The following RAB7A variants were observed in gnomAD, a reference collection of about 807,000 sequenced individuals.
The protein encoded by RAB7A is RAB7A, member RAS oncogene family, also known as ras-related protein Rab-7a.
Under a neutral mutation model 24.5 loss-of-function variants are expected in RAB7A, and 2 were observed. The ratio of observed to expected loss-of-function variants is 0.08; its 90% CI spans 0.03 to 0.26. RAB7A has a LOEUF of 0.26. RAB7A is among the 10% of genes least tolerant of loss of function. The probability of loss-of-function intolerance (pLI) is 1.00; values close to 1 mark genes in which losing one functional copy is unlikely to be tolerated. For synonymous variants in RAB7A, 100 were observed against 95.9 expected, an observed-to-expected ratio of 1.04 and a Z score of -0.25; for missense variants, 118 against 255.7, an observed-to-expected ratio of 0.46 and a Z score of 3.67.
intron 3 of RAB7A, among the ~76,000 whole-genome samples, chr3:128,804,271 A>G (rs908737387): frequency 6.6e-6 from 1 of 152,226 alleles, no homozygotes; most frequent in East Asian, 1.9e-4. Context: ...CTGTGCATGC[A>G]CTAGAAAAAC....
rs151220636 is a variant in RAB7A, at chr3:128,739,238, G to A, written c.-9+12879G>A. ...AAAAGTCTTAAAGCGGGCCGGGAGT[G>A]GTGGCTCACGCCTGTAATCTCAGCA... On this transcript the variant is annotated intron_variant, in intron 1 of 5. Coordinates refer to ENST00000265062, the MANE Select transcript of RAB7A (RefSeq NM_004637.6). 1.2e-3 allele frequency among the ~76,000 whole-genome samples: 176 copies of A among 152,254 alleles called. 1 individual carries two copies. Among genetic ancestry groups the A allele is most frequent in the African/African-American group, 3.9e-3 (160 of 41,544 alleles).
At chr3:128,795,751 C>CTTTGTTTTTTTTTTTTTTT (rs1933555206) in intron 2 of RAB7A, among the ~76,000 whole-genome samples, 1 of 43,032 alleles carries the variant, frequency 2.3e-5, no homozygotes, top group African/African-American at 6.3e-5. Flanking sequence ...AGCAGATGTG[C>CTTTGTTTTTTTTTTTTTTT]TTTTTTTTTT....
intron 1 of RAB7A, among the ~76,000 whole-genome samples, chr3:128,750,352 C>G (rs1295852325): frequency 1.3e-5 from 2 of 152,182 alleles, no homozygotes; most frequent in African/African-American, 2.4e-5. Context: ...GCCTCTGCCT[C>G]CCGGGTTCAA....
chr3:128,743,166 T>G (rs1471548998), intron 1 of RAB7A, among the ~76,000 whole-genome samples: 1 of 152,128 alleles, frequency 6.6e-6, no homozygotes, highest in Non-Finnish European at 1.5e-5. Flanking sequence ...CTGGCCTGGG[T>G]GCTAAGCCCC....
chr3:128,774,284 T>C (rs13079562), intron 1 of RAB7A, among the ~76,000 whole-genome samples: 41,690 of 150,946 alleles, frequency 0.28, 7,386 homozygotes, highest in African/African-American at 0.5. Context: ...TTCCCCCTTC[T>C]CCCTTTCTAA....
At chr3:128,743,279 G>A (rs1413516712) in intron 1 of RAB7A, among the ~76,000 whole-genome samples, 1 of 152,202 alleles carries the variant, frequency 6.6e-6, no homozygotes, top group African/African-American at 2.4e-5. Flanking sequence ...GCCGCGCGCA[G>A]CCCCAGTTTC....
chr3:128,765,711 C>T (rs2070824319), intron 1 of RAB7A, among the ~76,000 whole-genome samples: 1 of 151,398 alleles, frequency 6.6e-6, no homozygotes, highest in South Asian at 2.1e-4. Context: ...TTCACAAGGT[C>T]CCTGCCCTTC....
Position 128,813,271 on chromosome 3 carries a change from G to C in RAB7A, c.529-56G>C. On this transcript the variant is annotated intron_variant, in intron 5 of 5. Transcript: ENST00000265062. ...CCTGGGCAGAAAGTGCCCGCAATGA[G>C]GGCTGAAATGTTTCTATTCCCTGAG... 5 of 1,521,840 alleles carry C rather than the reference G, an allele frequency of 3.3e-6. No individual in the cohort carries two copies. In the South Asian group the frequency reaches 5.6e-5, roughly 17 times the overall value. 94.3% of individuals were successfully genotyped at this position (1,521,840 alleles called of 1,614,324 possible).
At chr3:128,768,579 G>T (rs1453140574) in intron 1 of RAB7A, among the ~76,000 whole-genome samples, 1 of 151,198 alleles carries the variant, frequency 6.6e-6, no homozygotes, top group Non-Finnish European at 1.5e-5. Flanking sequence ...TGTTTTTGGA[G>T]ACAGGGTCTC....
intron 1 of RAB7A, among the ~76,000 whole-genome samples, chr3:128,732,057 C>CT (rs1353472825): frequency 7.0e-6 from 1 of 142,874 alleles, no homozygotes; most frequent in Non-Finnish European, 1.5e-5. Flanking sequence ...TTTTCTCTCT[C>CT]TGAGACAGAG....
intron 1 of RAB7A, among the ~76,000 whole-genome samples, chr3:128,756,446 T>C (rs1393334397): frequency 6.6e-6 from 1 of 151,156 alleles, no homozygotes; most frequent in Admixed American, 6.6e-5. Flanking sequence ...AAGAATAAAA[T>C]AGTAAATTAG....
intron 2 of RAB7A, among the ~76,000 whole-genome samples, chr3:128,796,915 C>A (rs190569427): frequency 6.6e-6 from 1 of 152,262 alleles, no homozygotes; most frequent in African/African-American, 2.4e-5. Context: ...CCACTCGTCT[C>A]GACCTCCCAA....
chr3:128,761,414 C>T (rs948812443), intron 1 of RAB7A, among the ~76,000 whole-genome samples: 3 of 152,188 alleles, frequency 2.0e-5, no homozygotes, highest in African/African-American at 7.2e-5. Context: ...ATTCTTATGA[C>T]ATCATACATT....
At chr3:128,742,963 G>A (rs1226120478) in intron 1 of RAB7A, among the ~76,000 whole-genome samples, 14 of 152,230 alleles carry the variant, frequency 9.2e-5, no homozygotes, top group Non-Finnish European at 1.8e-4. Context: ...GGGACCAGGC[G>A]CTGCAGAGCA....
intron 2 of RAB7A, among the ~76,000 whole-genome samples, 164 bp downstream of exon 2, chr3:128,795,584 C>A (rs1237977907): frequency 1.3e-5 from 2 of 151,854 alleles, no homozygotes; most frequent in African/African-American, 2.4e-5. Flanking sequence ...TGTTATATAA[C>A]CTTTTGTTCT....
At chr3:128,811,879 A>T (rs147928344) in intron 5 of RAB7A, among the ~76,000 whole-genome samples, 109 of 152,112 alleles carry the variant, frequency 7.2e-4, no homozygotes, top group Admixed American at 1.5e-3. Flanking sequence ...ATCACAGTCC[A>T]CTAGAAGAAA....
intron 1 of RAB7A, among the ~76,000 whole-genome samples, chr3:128,756,055 G>A (rs1304712156): frequency 2.0e-5 from 3 of 152,132 alleles, no homozygotes; most frequent in South Asian, 2.1e-4. Context: ...CATTAACAAC[G>A]GGCCGGGCAC....
chr3:128,784,550 G>T (rs951110604), intron 1 of RAB7A, among the ~76,000 whole-genome samples: 4 of 152,168 alleles, frequency 2.6e-5, no homozygotes, highest in Non-Finnish European at 5.9e-5. Flanking sequence ...ATCTCCACAA[G>T]TCAGGCTTCT....
At chr3:128,734,950 T>C (rs2070476428) in intron 1 of RAB7A, among the ~76,000 whole-genome samples, 1 of 152,220 alleles carries the variant, frequency 6.6e-6, no homozygotes, top group African/African-American at 2.4e-5. Context: ...TTGTTTAAAT[T>C]TTTTCCAGTT....
Sources: allele counts gnomAD v4.1 joint callset (sites outside exome capture counted in the v4.1 genomes callset), GRCh38; gene constraint gnomAD v4.1.1; transcripts MANE v1.5; gene names NCBI Gene and HGNC (gene_info 2026-07-23, HGNC 2026-07-21).